PCDHB4: variants seen among roughly 807,000 people sequenced by gnomAD.
PCDHB4 encodes the protein protocadherin beta-4.
For missense variants in PCDHB4, 1,063 were observed against 1,007.0 expected, an observed-to-expected ratio of 1.06 and a Z score of -0.75; for synonymous variants, 482 against 447.3, an observed-to-expected ratio of 1.08 and a Z score of -0.98.
rs529388535 is a variant in PCDHB4, at chr5:141,124,951, C to T, written c.*565C>T. ...TGCACTTCACTACATTGGTAATACA[C>T]TAAAATTGTGGTCCTTTTCCTCTTG... On this transcript the variant is annotated 3_prime_UTR_variant, in exon 1 of 1. Coordinates refer to ENST00000194152, the MANE Select transcript of PCDHB4 (RefSeq NM_018938.4). The T allele has an allele frequency of 6.6e-6, 1 of 152,272 alleles. No homozygotes were observed. Among genetic ancestry groups the T allele is most frequent in the South Asian group, 2.1e-4 (1 of 4,820 alleles). The allele number at this position is 152,272 out of a possible 1,614,324, so 9.4% of individuals were successfully genotyped here. A position where few individuals can be genotyped will look rare whatever the true frequency, so the allele number is the denominator to read the frequency against.
chr5:141,123,427 A>G lies in PCDHB4; in HGVS notation c.1429A>G (p.Arg477Gly). 2 of 1,613,244 alleles carry G rather than the reference A, an allele frequency of 1.2e-6. No homozygotes were observed. Among genetic ancestry groups the G allele is most frequent in the African/African-American group, 2.7e-5 (2 of 75,012 alleles). Residue 477 changes from arginine (R) to glycine (G), a missense_variant, in exon 1 of 1, where the codon AGA becomes GGA. Coordinates refer to ENST00000194152, the MANE Select transcript of PCDHB4 (RefSeq NM_018938.4). Reference protein sequence around the residue: ...LHIGSVSATDRDSGTNAQVTY... With the variant: ...LHIGSVSATDGDSGTNAQVTY... ...CATCGGCAGTGTCAGCGCCACAGAC[A>G]GAGACTCGGGCACCAACGCCCAGGT...
rs1554274389 is a variant in PCDHB4, at chr5:141,122,737, G to A, written c.739G>A (p.Gly247Arg). The A allele has an allele frequency of 6.2e-7, 1 of 1,613,922 alleles. No individual in the cohort carries two copies. Among genetic ancestry groups the A allele is most frequent in the South Asian group, 1.1e-5 (1 of 91,064 alleles). Residue 247 changes from glycine (G) to arginine (R), a missense_variant, in exon 1 of 1, where the codon GGG (glycine) becomes AGG (arginine). By Grantham distance (125) the Gly-to-Arg change is moderately radical. Transcript: ENST00000194152. ...NAPEFVHTPY[G>R]VQVLENSPLD... Reference sequence around the variant, plus strand: ...TCCTGAGTTTGTGCACACTCCATATGGGGTGCAGGTCCTGGAAAACAGCCC... The same window carrying A: ...TCCTGAGTTTGTGCACACTCCATATAGGGTGCAGGTCCTGGAAAACAGCCC...
Position 141,123,956 on chromosome 5 carries a change from C to A in PCDHB4, c.1958C>A (p.Ala653Asp). The change falls in exon 1 of 1, where the codon GCC becomes GAC. Residue 653 changes from alanine (A) to aspartate (D), a missense_variant. By Grantham distance (126) the Ala-to-Asp change is moderately radical. Transcript: ENST00000194152. ...VKDNGEPPRSATATLHVLLVD... is the reference protein window; with the variant it reads ...VKDNGEPPRSDTATLHVLLVD... Reference sequence around the variant, plus strand: ...GACAATGGCGAGCCTCCGCGCTCGGCCACCGCCACGCTGCACGTGCTCCTG... The same window carrying A: ...GACAATGGCGAGCCTCCGCGCTCGGACACCGCCACGCTGCACGTGCTCCTG... 1 of 1,604,188 alleles carries A rather than the reference C, an allele frequency of 6.2e-7. No individual in the cohort carries two copies. The highest frequency in any genetic ancestry group is 8.5e-7 in the Non-Finnish European group (1 of 1,179,706).
In PCDHB4 at chr5:141,121,923, C is replaced by T; in HGVS notation, c.-76C>T. 9.5e-7 allele frequency: 1 copy of T among 1,054,352 alleles called. No homozygotes were observed. The highest frequency in any genetic ancestry group is 1.4e-6 in the Non-Finnish European group (1 of 722,286). The allele number at this position is 1,054,352 out of a possible 1,614,324, so 65.3% of individuals were successfully genotyped here. On this transcript the variant is annotated 5_prime_UTR_variant, in exon 1 of 1. Transcript: ENST00000194152. ...GCAACTGTGTGACGATTCCTCCAAG[C>T]AAGAAATTGGAATTGAATGTCTCAA... is the stretch of plus-strand genomic sequence containing the variant.
In PCDHB4 at chr5:141,123,953, C is replaced by A; in HGVS notation, c.1955C>A (p.Ser652Ter). 6.2e-7 allele frequency: 1 copy of A among 1,604,174 alleles called. No individual in the cohort carries two copies. The highest frequency in any genetic ancestry group is 8.5e-7 in the Non-Finnish European group (1 of 1,179,694). The change falls in exon 1 of 1, where the codon TCG becomes TAG. Residue 652 changes from serine (S) to a stop codon, truncating the protein, a stop_gained. Coordinates refer to ENST00000194152, the MANE Select transcript of PCDHB4 (RefSeq NM_018938.4). LOFTEE classifies it low-confidence loss of function (END_TRUNC). ...AAGGACAATGGCGAGCCTCCGCGCT[C>A]GGCCACCGCCACGCTGCACGTGCTC... ...LVKDNGEPPRSATATLHVLLV... is the reference protein window; with the variant it reads ...LVKDNGEPPR
chr5:141,123,911 G>C lies in PCDHB4; in HGVS notation c.1913G>C (p.Arg638Thr). 3.1e-6 allele frequency: 5 copies of C among 1,606,054 alleles called. No individual in the cohort carries two copies. Among genetic ancestry groups the C allele is most frequent in the Non-Finnish European group, 4.2e-6 (5 of 1,179,674 alleles). ...AGCGAGCGCGACGCAGCCAAGCACA[G>C]GCTCGTGGTGCTTGTCAAGGACAAT... Reference protein sequence around the residue: ...LLSERDAAKHRLVVLVKDNGE... With the variant: ...LLSERDAAKHTLVVLVKDNGE... The change falls in exon 1 of 1, where the codon AGG becomes ACG. Residue 638 changes from arginine to threonine, a missense_variant. By Grantham distance (71) the Arg-to-Thr change is moderately conservative (BLOSUM62 -1). Transcript: ENST00000194152.
rs1232001324 is a variant in PCDHB4 at position 141,124,443 on chromosome 5, T to A, written c.*57T>A. The A allele has an allele frequency of 7.2e-7, 1 of 1,380,360 alleles. No individual in the cohort carries two copies. The highest frequency in any genetic ancestry group is 9.8e-7 in the Non-Finnish European group (1 of 1,015,490). 85.5% of individuals were successfully genotyped at this position (1,380,360 alleles called of 1,614,324 possible). On this transcript the variant is annotated 3_prime_UTR_variant, in exon 1 of 1. Coordinates refer to ENST00000194152, the MANE Select transcript of PCDHB4 (RefSeq NM_018938.4). Reference sequence around the variant, plus strand: ...AGTTTTGTCAAACTTCCCACTGCAATGCCTTTATTTAAAAAAATTGTCTAC... The same window carrying A: ...AGTTTTGTCAAACTTCCCACTGCAAAGCCTTTATTTAAAAAAATTGTCTAC...
Position 141,123,241 on chromosome 5 carries a change from G to C in PCDHB4, c.1243G>C (p.Glu415Gln). 6.2e-7 allele frequency: 1 copy of C among 1,614,168 alleles called. No individual in the cohort carries two copies. The highest frequency in any genetic ancestry group is 1.3e-5 in the African/African-American group (1 of 75,046). ...ACCACTGGACCGAGAGACCAGCGCT[G>C]AGTACAACATCACCATCGCCGTCAC... is the stretch of plus-strand genomic sequence containing the variant. ...ERPLDRETSA[E>Q]YNITIAVTDL... is the part of the protein sequence containing the mutation. The change falls in exon 1 of 1, where the codon GAG becomes CAG. Residue 415 changes from glutamate (E) to glutamine (Q), a missense_variant. Glu to Gln is a conservative substitution (Grantham distance 29). Transcript: ENST00000194152.
rs1195122656 is a variant in PCDHB4, at chr5:141,121,828, A to G, written c.-171A>G. 10 of 532,946 alleles carry G rather than the reference A, an allele frequency of 1.9e-5. No individual in the cohort carries two copies. The highest frequency in any genetic ancestry group is 3.6e-5 in the Admixed American group (1 of 27,400). 33.0% of individuals were successfully genotyped at this position (532,946 alleles called of 1,614,324 possible). A position where few individuals can be genotyped will look rare whatever the true frequency, so the allele number is the denominator to read the frequency against. The stretch of plus-strand genomic sequence containing the variant: ...GACGCAATCAAAAACACACGGAAGA[A>G]GCGTTACAAGCAGTGCAGGTTTACC... On this transcript the variant is annotated 5_prime_UTR_variant, in exon 1 of 1. Coordinates refer to ENST00000194152, the MANE Select transcript of PCDHB4 (RefSeq NM_018938.4).
At position 141,122,218 on chromosome 5, in the gene PCDHB4, T is replaced by C; in HGVS notation, c.220T>C (p.Leu74=). Residue 74 remains leucine, a synonymous_variant, in exon 1 of 1, where the codon TTG becomes CTG. Transcript: ENST00000194152. ...GCTGTCTGACGATGACAAGCAGCGT[T>C]TGCAGCTGGATCGTCAGACTGGAGA... ...RVLSDDDKQR[L]QLDRQTGDLL... 4 of 1,614,160 alleles carry C rather than the reference T, an allele frequency of 2.5e-6. 1 individual carries two copies. In the South Asian group the frequency reaches 4.4e-5, roughly 18 times the overall value.
In PCDHB4 at chr5:141,123,639, C is replaced by T. The variant is rs377522159; in HGVS notation, c.1641C>T (p.Arg547=). The T allele has an allele frequency of 3.7e-6, 6 of 1,611,850 alleles. No homozygotes were observed. The East Asian group carries it at 1.3e-4, about 36-fold the overall frequency. Residue 547 remains arginine, a synonymous_variant, in exon 1 of 1, where the codon CGC becomes CGT. Coordinates refer to ENST00000194152, the MANE Select transcript of PCDHB4 (RefSeq NM_018938.4). The part of the protein sequence containing the change: ...SPALSSEALV[R]VLVLDTNDNS... ...CTTTGAGCAGCGAGGCGCTGGTGCGCGTGCTGGTGCTGGACACCAACGACA... is the reference window on the plus strand; with the variant it reads ...CTTTGAGCAGCGAGGCGCTGGTGCGTGTGCTGGTGCTGGACACCAACGACA...
At position 141,123,110 on chromosome 5, in the gene PCDHB4, A is replaced by G. The variant is rs200713549; in HGVS notation, c.1112A>G (p.Asp371Gly). The G allele has an allele frequency of 3.1e-6, 5 of 1,613,964 alleles. No individual in the cohort carries two copies. In the South Asian group the frequency reaches 3.3e-5, roughly 11 times the overall value. ...ETVVSIFRIR[D>G]RDSGENGKMI... The stretch of plus-strand genomic sequence containing the variant: ...GTAGTCTCTATCTTCCGAATTCGAG[A>G]TAGAGATTCCGGAGAAAATGGAAAG... The change falls in exon 1 of 1, where the codon GAT (aspartate) becomes GGT (glycine). Residue 371 changes from aspartate to glycine, a missense_variant. Coordinates refer to ENST00000194152, the MANE Select transcript of PCDHB4 (RefSeq NM_018938.4).
chr5:141,124,130 G>C lies in PCDHB4; in HGVS notation c.2132G>C (p.Arg711Pro). The C allele has an allele frequency of 6.2e-7, 1 of 1,611,504 alleles. No homozygotes were observed. Among genetic ancestry groups the C allele is most frequent in the Non-Finnish European group, 8.5e-7 (1 of 1,179,898 alleles). ...LFSVLLFVAVRLCRRSRAASV... is the reference protein window; with the variant it reads ...LFSVLLFVAVPLCRRSRAASV... Reference sequence around the variant, plus strand: ...TCGGTGCTCCTGTTCGTGGCGGTGCGGCTGTGCAGGAGGAGCAGGGCGGCC... The same window carrying C: ...TCGGTGCTCCTGTTCGTGGCGGTGCCGCTGTGCAGGAGGAGCAGGGCGGCC... Residue 711 changes from arginine (R) to proline (P), a missense_variant, in exon 1 of 1, where the codon CGG becomes CCG. Coordinates refer to ENST00000194152, the MANE Select transcript of PCDHB4 (RefSeq NM_018938.4).
At position 141,122,636 on chromosome 5, in the gene PCDHB4, C is replaced by T. The variant is rs147134705; in HGVS notation, c.638C>T (p.Ala213Val). 7 of 1,614,076 alleles carry T rather than the reference C, an allele frequency of 4.3e-6. No homozygotes were observed. Among genetic ancestry groups the T allele is most frequent in the Non-Finnish European group, 5.9e-6 (7 of 1,180,042 alleles). Residue 213 changes from alanine to valine, a missense_variant, in exon 1 of 1, where the codon GCG (alanine) becomes GTG (valine). By Grantham distance (64) the Ala-to-Val change is moderately conservative. Coordinates refer to ENST00000194152, the MANE Select transcript of PCDHB4 (RefSeq NM_018938.4). ...CCTGAGTTCAGCTTAACCCTCGTGGCGCTGGATGGTGGGTCACCACCTAGG... is the reference window on the plus strand; with the variant it reads ...CCTGAGTTCAGCTTAACCCTCGTGGTGCTGGATGGTGGGTCACCACCTAGG... ...EQPEFSLTLV[A>V]LDGGSPPRSG...
rs781943393 is a variant in PCDHB4, at chr5:141,123,307, A to G, written c.1309A>G (p.Thr437Ala). ...TPRLKTQQNI[T>A]VQVSDVNDNA... ...CAGGCTGAAAACCCAGCAGAACATAACCGTGCAGGTCTCCGACGTCAATGA... is the reference window on the plus strand; with the variant it reads ...CAGGCTGAAAACCCAGCAGAACATAGCCGTGCAGGTCTCCGACGTCAATGA... Residue 437 changes from threonine (T) to alanine (A), a missense_variant, in exon 1 of 1, where the codon ACC becomes GCC. By Grantham distance (58) the Thr-to-Ala change is moderately conservative. Transcript: ENST00000194152. 16 of 1,613,872 alleles carry G rather than the reference A, an allele frequency of 9.9e-6. No individual in the cohort carries two copies. In the Admixed American group the frequency reaches 2.7e-4, roughly 27 times the overall value.
In PCDHB4 at chr5:141,124,102, T is replaced by C. The variant is rs1554274712; in HGVS notation, c.2104T>C (p.Phe702Leu). 1.2e-6 allele frequency: 2 copies of C among 1,609,386 alleles called. No individual in the cohort carries two copies. Among genetic ancestry groups the C allele is most frequent in the African/African-American group, 1.3e-5 (1 of 74,948 alleles). Residue 702 changes from phenylalanine to leucine, a missense_variant, in exon 1 of 1, where the codon TTC becomes CTC. Phe to Leu is a conservative substitution (Grantham distance 22). Coordinates refer to ENST00000194152, the MANE Select transcript of PCDHB4 (RefSeq NM_018938.4). ...GGCCTCGGTGTCGTCGCTCTTCCTC[T>C]TCTCGGTGCTCCTGTTCGTGGCGGT... ...ALASVSSLFL[F>L]SVLLFVAVRL... is the part of the protein sequence containing the mutation.
At position 141,123,403 on chromosome 5, in the gene PCDHB4, A is replaced by T. The variant is rs1166505827; in HGVS notation, c.1405A>T (p.Ile469Phe). ...CGAGAACAACAGCCCCGCCCTGCAC[A>T]TCGGCAGTGTCAGCGCCACAGACAG... ...VRENNSPALH[I>F]GSVSATDRDS... is the part of the protein sequence containing the mutation. The change falls in exon 1 of 1, where the codon ATC becomes TTC. Residue 469 changes from isoleucine (I) to phenylalanine (F), a missense_variant. Transcript: ENST00000194152. 1 of 1,613,368 alleles carries T rather than the reference A, an allele frequency of 6.2e-7. No individual in the cohort carries two copies. Among genetic ancestry groups the T allele is most frequent in the African/African-American group, 1.3e-5 (1 of 74,904 alleles).
chr5:141,124,125 G>T lies in PCDHB4; in HGVS notation c.2127G>T (p.Ala709=), dbSNP rs782332407. 2 of 1,611,222 alleles carry T rather than the reference G, an allele frequency of 1.2e-6. No individual in the cohort carries two copies. The highest frequency in any genetic ancestry group is 1.7e-6 in the Non-Finnish European group (2 of 1,179,872). ...LFLFSVLLFV[A]VRLCRRSRAA... Reference sequence around the variant, plus strand: ...TCTTCTCGGTGCTCCTGTTCGTGGCGGTGCGGCTGTGCAGGAGGAGCAGGG... The same window carrying T: ...TCTTCTCGGTGCTCCTGTTCGTGGCTGTGCGGCTGTGCAGGAGGAGCAGGG... The change falls in exon 1 of 1, where the codon GCG becomes GCT. Residue 709 remains alanine, a synonymous_variant. Coordinates refer to ENST00000194152, the MANE Select transcript of PCDHB4 (RefSeq NM_018938.4).
In PCDHB4 at chr5:141,122,160, A is replaced by G; in HGVS notation, c.162A>G (p.Gly54=). The change falls in exon 1 of 1, where the codon GGA becomes GGG. Residue 54 remains glycine (G), a synonymous_variant. Transcript: ENST00000194152. ...ATCTGGCCAAGGATCTGGGCCTGGG[A>G]ATTGGGGAACTGGCCTCCCGGTCAG... The part of the protein sequence containing the change: ...VAHLAKDLGL[G]IGELASRSAR... 2 of 1,614,022 alleles carry G rather than the reference A, an allele frequency of 1.2e-6. No homozygotes were observed. Among genetic ancestry groups the G allele is most frequent in the Non-Finnish European group, 1.7e-6 (2 of 1,180,018 alleles).
Sources: gnomAD v4.1 joint callset for allele counts on GRCh38, gnomAD v4.1.1 for gene constraint, MANE v1.5 for transcripts, NCBI Gene and HGNC (gene_info 2026-07-23, HGNC 2026-07-21) for gene names.